MCM5: variants seen among roughly 807,000 people sequenced by gnomAD.
The protein encoded by MCM5 is DNA replication licensing factor MCM5.
MCM5 carries 46 observed loss-of-function variants against 79.9 expected under a neutral mutation model. That is an observed-to-expected ratio of 0.58 (90% CI 0.45 to 0.74). The LOEUF (loss-of-function observed/expected upper bound fraction) is 0.74. MCM5 is among the 30% of genes least tolerant of loss of function. The pLI is 0.00. For missense variants in MCM5, 883 were observed against 1,017.0 expected, an observed-to-expected ratio of 0.87 and a Z score of 1.79; for synonymous variants, 404 against 390.5, an observed-to-expected ratio of 1.03 and a Z score of -0.41.
rs552453966 is a variant in MCM5, at chr22:35,405,450, C to A, written c.424-1103C>A. On this transcript the variant is annotated intron_variant, in intron 4 of 16. Coordinates refer to ENST00000216122, the MANE Select transcript of MCM5 (RefSeq NM_006739.4). ...GGCATGATCTCAGCTCACTGTAACC[C>A]CTGCTTCCCCGGTTCAAGCAATTCT... Among the ~76,000 whole-genome samples, 5 of 152,136 alleles carry A rather than the reference C, an allele frequency of 3.3e-5. No individual in the cohort carries two copies. In the East Asian group the frequency reaches 7.8e-4, roughly 24 times the overall value.
the MCM5 span, among the ~76,000 whole-genome samples, chr22:35,450,315 G>C: frequency 1.2e-5 from 1 of 82,340 alleles, no homozygotes; most frequent in Non-Finnish European, 2.4e-5. Context: ...CTGCAGAACA[G>C]GGGGAAGGAA....
intron 2 of MCM5, among the ~76,000 whole-genome samples, chr22:35,401,157 T>C (rs1427404872): frequency 2.0e-5 from 3 of 152,242 alleles, no homozygotes; most frequent in Non-Finnish European, 4.4e-5. Flanking sequence ...AGTTAACTTC[T>C]GGGTGAGTCA....
chr22:35,400,803 T>C (rs1215784641), intron 2 of MCM5, among the ~76,000 whole-genome samples, 198 bp downstream of exon 2: 1 of 152,166 alleles, frequency 6.6e-6, no homozygotes, highest in Non-Finnish European at 1.5e-5. Context: ...CTTTATTTTA[T>C]TTTATTTTAT....
chr22:35,450,513 C>G, the MCM5 span, among the ~76,000 whole-genome samples: 5 of 152,202 alleles, frequency 3.3e-5, no homozygotes, highest in Non-Finnish European at 7.3e-5. Context: ...ACTCGCCCGC[C>G]TGACTCCGCC....
intron 15 of MCM5, chr22:35,422,086 G>A (rs4645817): frequency 5.1e-4 from 88 of 171,162 alleles, no homozygotes; most frequent in Non-Finnish European, 9.7e-4. Flanking sequence ...TACTTCATTA[G>A]TGTTACTGTT....
At chr22:35,444,957 G>T in the MCM5 span, among the ~76,000 whole-genome samples, 2 of 152,188 alleles carry the variant, frequency 1.3e-5, no homozygotes, top group Admixed American at 6.5e-5. Context: ...CCCAGTGAAC[G>T]CACTCACCTC....
the MCM5 span, among the ~76,000 whole-genome samples, chr22:35,442,370 A>C: frequency 6.6e-6 from 1 of 152,022 alleles, no homozygotes; most frequent in South Asian, 2.1e-4. Flanking sequence ...AAAAAAAAAA[A>C]CATCACAAAC....
At position 35,419,408 on chromosome 22, in the gene MCM5, C is replaced by G. The variant is rs1390952294; in HGVS notation, c.1704-476C>G. ...AGGAGAGTCTGAGGTGCTCCCAGCC[C>G]CTGGACTGCAGTCACCGCCAAGCCT... On this transcript the variant is annotated intron_variant, in intron 13 of 16. Transcript: ENST00000216122. Among the ~76,000 whole-genome samples, 5 of 152,186 alleles carry G rather than the reference C, an allele frequency of 3.3e-5. No homozygotes were observed. In the East Asian group the frequency reaches 9.6e-4, roughly 29 times the overall value.
rs11541530 is a variant in MCM5, at chr22:35,416,794, C to T, written c.1570C>T (p.His524Tyr). 6.2e-7 allele frequency: 1 copy of T among 1,613,916 alleles called. No individual in the cohort carries two copies. The highest frequency in any genetic ancestry group is 8.5e-7 in the Non-Finnish European group (1 of 1,180,006). The change falls in exon 12 of 17, where the codon CAC (histidine) becomes TAC (tyrosine). Residue 524 changes from histidine (H) to tyrosine (Y), a missense_variant. By Grantham distance (83) the His-to-Tyr change is moderately conservative. Around this residue, in one of 3 missense-constraint regions of MCM5, gnomAD observed 426 missense variants for 482.3 expected, o/e 0.88. Transcript: ENST00000216122. ...CATGATCTTCATCGTCAAGGATGAG[C>T]ACAATGAGGAGAGGGATGTGGTACG... The part of the protein sequence containing the change: ...FDMIFIVKDE[H>Y]NEERDVMLAK...
intron 15 of MCM5, 65 bp downstream of exon 15, chr22:35,421,525 A>C (rs1485671595): frequency 6.2e-7 from 1 of 1,608,638 alleles, no homozygotes; most frequent in Non-Finnish European, 8.5e-7. Flanking sequence ...CTCTGTGGGC[A>C]GGGCTCTGGC....
At chr22:35,444,550 G>A in the MCM5 span, among the ~76,000 whole-genome samples, 10 of 152,198 alleles carry the variant, frequency 6.6e-5, no homozygotes, top group African/African-American at 9.7e-5. Context: ...CCTGTGACTC[G>A]TGGTTGAGAT....
At chr22:35,447,008 C>T in the MCM5 span, among the ~76,000 whole-genome samples, 2 of 152,202 alleles carry the variant, frequency 1.3e-5, no homozygotes, top group African/African-American at 2.4e-5. Context: ...GCCCCGACTC[C>T]GGGCAGCGGT....
chr22:35,421,154 G>T (rs570147428), intron 14 of MCM5, among the ~76,000 whole-genome samples, 164 bp from the exon 15 acceptor site: 1 of 142,838 alleles, frequency 7.0e-6, no homozygotes, highest in South Asian at 2.2e-4. Flanking sequence ...AAAAAAAATT[G>T]CAGTTCTATG....
rs1173417035 is a variant in MCM5 at position 35,403,323 on chromosome 22, A to C, written c.284A>C (p.His95Pro). 3 of 1,614,138 alleles carry C rather than the reference A, an allele frequency of 1.9e-6. No individual in the cohort carries two copies. Among genetic ancestry groups the C allele is most frequent in the Non-Finnish European group, 2.5e-6 (3 of 1,180,030 alleles). ...ADYLYKQPAEHLQLLEEAAKE... is the reference protein window; with the variant it reads ...ADYLYKQPAEPLQLLEEAAKE... ...TACTTGTACAAGCAGCCAGCCGAGC[A>C]CCTGCAGCTGGTGAGTGGGACCCCA... The change falls in exon 3 of 17, where the codon CAC (histidine) becomes CCC (proline). Residue 95 changes from histidine to proline, a missense_variant. Around this residue, in one of 3 missense-constraint regions of MCM5, gnomAD observed 455 missense variants for 517.5 expected, o/e 0.88. Transcript: ENST00000216122.
downstream of MCM5, among the ~76,000 whole-genome samples, chr22:35,428,997 T>TTTTTTTTTTTTTTTTC (rs1314299071): frequency 6.9e-6 from 1 of 145,012 alleles, no homozygotes; most frequent in African/African-American, 2.6e-5. Context: ...TTTTTTTTTT[T>TTTTTTTTTTTTTTTTC]CTTTTTTGAG....
downstream of MCM5, among the ~76,000 whole-genome samples, chr22:35,427,595 C>T (rs1272484429): frequency 6.7e-6 from 1 of 148,504 alleles, no homozygotes. Flanking sequence ...ATGTGCAGAA[C>T]GTAAAGTTTT....
At chr22:35,429,305 G>C (rs533088164), downstream of MCM5, among the ~76,000 whole-genome samples, 1 of 151,352 alleles carries the variant, frequency 6.6e-6, no homozygotes, top group Admixed American at 6.6e-5. Flanking sequence ...TGAAATGCTA[G>C]GTCCTAAGGT....
At chr22:35,431,817 G>T in the MCM5 span, among the ~76,000 whole-genome samples, 1 of 152,154 alleles carries the variant, frequency 6.6e-6, no homozygotes, top group Non-Finnish European at 1.5e-5. Flanking sequence ...CCAGACTTCA[G>T]TTCCCTCTGT....
the MCM5 span, among the ~76,000 whole-genome samples, chr22:35,453,948 G>T: frequency 6.6e-6 from 1 of 151,634 alleles, no homozygotes; most frequent in East Asian, 1.9e-4. Flanking sequence ...GACTTCGGGG[G>T]ACAAGTCTCC....
Sources: allele counts gnomAD v4.1 joint callset (sites outside exome capture counted in the v4.1 genomes callset), GRCh38; gene constraint gnomAD v4.1.1; regional missense constraint gnomAD v4.1.1; transcripts MANE v1.5; gene names NCBI Gene and HGNC (gene_info 2026-07-23, HGNC 2026-07-21).